The following RAP2C variants were observed in gnomAD, a reference collection of about 807,000 sequenced individuals.
RAP2C encodes ras-related protein Rap-2c.
In RAP2C, 3 loss-of-function variants were observed where a neutral mutation model predicts 8.9. The ratio of observed to expected loss-of-function variants is 0.34; its 90% CI spans 0.15 to 0.87. RAP2C has a LOEUF of 0.87. Among genes scored for constraint, RAP2C ranks in the 40% least tolerant of loss-of-function variants. The probability of loss-of-function intolerance (pLI) is 0.51; values close to 1 mark genes in which losing one functional copy is unlikely to be tolerated. For missense variants in RAP2C, 76 were observed against 133.7 expected, an observed-to-expected ratio of 0.57 and a Z score of 2.13; for synonymous variants, 60 against 52.1, an observed-to-expected ratio of 1.15 and a Z score of -0.65.
At position 132,219,438 on chromosome X, in the gene RAP2C, C is replaced by G. The variant is rs1293455213; in HGVS notation, c.-814G>C. The G allele has an allele frequency of 8.9e-6, 1 of 112,193 alleles. No individual in the cohort carries two copies. The highest frequency in any genetic ancestry group is 1.9e-5 in the Non-Finnish European group (1 of 53,269). The allele number at this position is 112,193 out of a possible 1,213,427, so 9.2% of individuals were successfully genotyped here. ...GCCGGTGCCATCTCTCCAGCGAAGT[C>G]CCCAGCTCTGGCTCCAGCTGGCCTG... On this transcript the variant is annotated 5_prime_UTR_variant, in exon 1 of 6. Transcript: ENST00000370874.
At chrX:132,209,217 G>A (rs987780716) in intron 5 of RAP2C, among the ~76,000 whole-genome samples, 1 of 111,488 alleles carries the variant, frequency 9.0e-6, no homozygotes, top group Non-Finnish European at 1.9e-5. Context: ...AGTGAACCCA[G>A]GGTAGAAGGG....
At chrX:132,211,863 T>C (rs1930438555) in intron 5 of RAP2C, among the ~76,000 whole-genome samples, 1 of 111,806 alleles carries the variant, frequency 8.9e-6, no homozygotes, top group East Asian at 2.8e-4. Context: ...AAGTTTGATA[T>C]TCAATTTAGA....
chrX:132,213,975 C>T (rs1352289862), intron 5 of RAP2C, among the ~76,000 whole-genome samples, 159 bp downstream of exon 5: 2 of 112,349 alleles, frequency 1.8e-5, no homozygotes, highest in Non-Finnish European at 3.8e-5. Context: ...AAAAAATTTT[C>T]TTCATTGAAT....
intron 4 of RAP2C, among the ~76,000 whole-genome samples, chrX:132,215,875 G>T (rs1930565191): frequency 9.1e-6 from 1 of 109,618 alleles, no homozygotes; most frequent in African/African-American, 3.3e-5. Context: ...TATTTCCCCA[G>T]AATTTATCAT....
intron 5 of RAP2C, among the ~76,000 whole-genome samples, chrX:132,207,629 A>G (rs947729981): frequency 8.9e-6 from 1 of 112,259 alleles, no homozygotes; most frequent in Non-Finnish European, 1.9e-5. Flanking sequence ...TAAATCCTGA[A>G]GTAAAATGCT....
chrX:132,216,456 G>C lies in RAP2C; in HGVS notation c.273+540C>G, dbSNP rs751777935. Reference sequence around the variant, plus strand: ...ATTAAGTAAAATGCCTAGAAGGCAGGTCTTGAGTTCTTCGTCTTGCAACAC... The same window carrying C: ...ATTAAGTAAAATGCCTAGAAGGCAGCTCTTGAGTTCTTCGTCTTGCAACAC... On this transcript the variant is annotated intron_variant, in intron 4 of 5. Transcript: ENST00000370874. 1.4e-4 allele frequency among the ~76,000 whole-genome samples: 14 copies of C among 102,980 alleles called. No homozygotes were observed. The East Asian group carries it at 4.6e-3, about 34-fold the overall frequency. 89.4% of individuals were successfully genotyped at this position (102,980 alleles called of 115,157 possible). A position where few individuals can be genotyped will look rare whatever the true frequency, so the allele number is the denominator to read the frequency against.
rs776140349 is a variant in RAP2C at position 132,217,264 on chromosome X, C to T, written c.5G>A (p.Arg2Lys). Residue 2 changes from arginine to lysine, a missense_variant, in exon 4 of 6, where the codon AGG becomes AAG. Coordinates refer to ENST00000370874, the MANE Select transcript of RAP2C (RefSeq NM_001271186.2). Reference protein sequence around the residue: MREYKVVVLGSG... With the variant: MKEYKVVVLGSG... ...CCCTAACACCACTACCTTGTATTCC[C>T]TCATGAGTCTCACCTTCACCAACTC... is the stretch of plus-strand genomic sequence containing the variant. 2.7e-6 allele frequency: 3 copies of T among 1,103,342 alleles called. No homozygotes were observed. In the Admixed American group the frequency reaches 9.3e-5, roughly 34 times the overall value. 90.9% of individuals were successfully genotyped at this position (1,103,342 alleles called of 1,213,427 possible).
Position 132,209,781 on chromosome X carries a change from G to A in RAP2C, c.*35-4194C>T. 1.8e-5 allele frequency among the ~76,000 whole-genome samples: 2 copies of A among 111,609 alleles called. 1 individual carries two copies. The highest frequency in any genetic ancestry group is 8.4e-3 in the Middle Eastern group (2 of 239). ...GGTTAAAAGGAAGCAATTAAAGAGG[G>A]AACAGATATACAAAGAGTCATTCTA... On this transcript the variant is annotated intron_variant, in intron 5 of 5. Coordinates refer to ENST00000370874, the MANE Select transcript of RAP2C (RefSeq NM_001271186.2).
intron 5 of RAP2C, among the ~76,000 whole-genome samples, chrX:132,210,298 CTAAAAT>C (rs1930392678): frequency 1.8e-5 from 2 of 111,494 alleles, no homozygotes; most frequent in East Asian, 2.8e-4. Context: ...AAATTAAAAA[CTAAAAT>C]TAAAAGTTAA....
At chrX:132,209,938 G>A (rs777810494) in intron 5 of RAP2C, among the ~76,000 whole-genome samples, 10 of 110,991 alleles carry the variant, frequency 9.0e-5, no homozygotes, top group Admixed American at 6.7e-4. Flanking sequence ...AGGGCAAGGT[G>A]GTTTTGTTTT....
rs926687978 is a variant in RAP2C at position 132,218,018 on chromosome X, C to T, written c.-635-6G>A. 24 of 73,330 alleles carry T rather than the reference C, an allele frequency of 3.3e-4. No individual in the cohort carries two copies. The highest frequency in any genetic ancestry group is 1.2e-3 in the African/African-American group (23 of 19,062). 6.0% of individuals were successfully genotyped at this position (73,330 alleles called of 1,213,427 possible). A position where few individuals can be genotyped will look rare whatever the true frequency, so the allele number is the denominator to read the frequency against. Reference sequence around the variant, plus strand: ...TCTCCGCTGCCCCAGCGCTGCTGCTCGCCGCGGGGAAAGAAGCGGGGGCCT... The same window carrying T: ...TCTCCGCTGCCCCAGCGCTGCTGCTTGCCGCGGGGAAAGAAGCGGGGGCCT... On this transcript the variant is annotated splice_polypyrimidine_tract_variant and splice_region_variant and intron_variant, in intron 2 of 5. Coordinates refer to ENST00000370874, the MANE Select transcript of RAP2C (RefSeq NM_001271186.2).
chrX:132,214,120 C>T lies in RAP2C; in HGVS notation c.*34+14G>A. 2 of 1,157,266 alleles carry T rather than the reference C, an allele frequency of 1.7e-6. No homozygotes were observed. Among genetic ancestry groups the T allele is most frequent in the South Asian group, 4.0e-5 (2 of 49,883 alleles). ...AAACACTACCTGATTCATACAGTTC[C>T]ATCAAAAACTAACCTGCTCGGTATG... On this transcript the variant is annotated intron_variant, in intron 5 of 5. Coordinates refer to ENST00000370874, the MANE Select transcript of RAP2C (RefSeq NM_001271186.2).
intron 4 of RAP2C, among the ~76,000 whole-genome samples, chrX:132,215,808 G>C (rs1255911067): frequency 9.0e-6 from 1 of 110,892 alleles, no homozygotes; most frequent in Non-Finnish European, 1.9e-5. Context: ...TGATACTATT[G>C]TTTGGGAATT....
intron 5 of RAP2C, among the ~76,000 whole-genome samples, chrX:132,211,976 C>A: frequency 9.1e-6 from 1 of 109,335 alleles, no homozygotes; most frequent in Non-Finnish European, 1.9e-5. Context: ...CAAGGACAAC[C>A]ACAAATTTTA....
intron 5 of RAP2C, among the ~76,000 whole-genome samples, chrX:132,210,274 C>T (rs1930391667): frequency 9.0e-6 from 1 of 110,871 alleles, no homozygotes; most frequent in East Asian, 2.8e-4. Flanking sequence ...TGCTAAACCC[C>T]CAGCATACCA....
At chrX:132,211,952 A>C (rs1250768922) in intron 5 of RAP2C, among the ~76,000 whole-genome samples, 3 of 110,447 alleles carry the variant, frequency 2.7e-5, no homozygotes, top group African/African-American at 9.9e-5. Context: ...TTCTCTTCTT[A>C]GGTAAATGGT....
chrX:132,218,490 C>T (rs1466799435), intron 1 of RAP2C, 149 bp from the exon 2 acceptor site: 1 of 111,450 alleles, frequency 9.0e-6, no homozygotes, highest in African/African-American at 3.3e-5. Flanking sequence ...GGCTAATAAT[C>T]TAGCGACCGG....
At chrX:132,206,388 C>T (rs1930277029) in intron 5 of RAP2C, among the ~76,000 whole-genome samples, 1 of 111,585 alleles carries the variant, frequency 9.0e-6, no homozygotes, top group South Asian at 3.8e-4. Flanking sequence ...TCATTCCCTG[C>T]TCTTATAGCG....
At chrX:132,215,344 G>T (rs755247520) in intron 4 of RAP2C, among the ~76,000 whole-genome samples, 1 of 111,432 alleles carries the variant, frequency 9.0e-6, no homozygotes. Context: ...GCCTTAAATA[G>T]AAAATGTATG....
Sources: allele counts gnomAD v4.1 joint callset (sites outside exome capture counted in the v4.1 genomes callset), GRCh38; gene constraint gnomAD v4.1.1; transcripts MANE v1.5; gene names NCBI Gene and HGNC (gene_info 2026-07-23, HGNC 2026-07-21).